Variants in FRMD4B observed in about 807,000 individuals in gnomAD.
The protein encoded by FRMD4B is FERM domain containing 4B.
Under a neutral mutation model 141.5 loss-of-function variants are expected in FRMD4B, and 74 were observed. The observed-to-expected ratio is 0.52, with a 90% confidence interval of 0.43 to 0.63. FRMD4B has a LOEUF of 0.63. Among genes scored for constraint, FRMD4B ranks in the 30% least tolerant of loss-of-function variants. The probability of loss-of-function intolerance (pLI) is 0.00; values close to 1 mark genes in which losing one functional copy is unlikely to be tolerated. For missense variants in FRMD4B, 1,366 were observed against 1,253.4 expected (o/e 1.09, Z -1.36); for synonymous variants, 506 against 467.9 (o/e 1.08, Z -1.05).
rs1445384080 is a variant in FRMD4B, at chr3:69,176,541, A to C, written c.2967T>G (p.Pro989=). The C allele has an allele frequency of 3.7e-6, 6 of 1,612,562 alleles. 1 individual carries two copies. In the South Asian group the frequency reaches 6.6e-5, roughly 18 times the overall value. ...TTCCTCACCTGCTTGGAGAGGGTAAAGGATTATAGACATTGCCATAGCAGC... is the reference window on the plus strand; with the variant it reads ...TTCCTCACCTGCTTGGAGAGGGTAACGGATTATAGACATTGCCATAGCAGC... ...YTSCYGNVYN[P]LPSPSRQYTE... is the part of the protein sequence containing the mutation. Residue 989 remains proline, a synonymous_variant, in exon 22 of 23, where the codon CCT becomes CCG. Coordinates refer to ENST00000398540, the MANE Select transcript of FRMD4B (RefSeq NM_015123.3).
intron 1 of FRMD4B, among the ~76,000 whole-genome samples, chr3:69,327,875 A>G (rs1702234018): frequency 2.0e-5 from 3 of 152,200 alleles, no homozygotes; most frequent in South Asian, 2.1e-4. Flanking sequence ...TTACAGGCTT[A>G]TATTATTTAG....
intron 4 of FRMD4B, among the ~76,000 whole-genome samples, chr3:69,289,066 A>T (rs1454874727): frequency 2.6e-5 from 4 of 152,212 alleles, no homozygotes; most frequent in African/African-American, 9.6e-5. Flanking sequence ...CTCACTTGTA[A>T]GTGAGGTTAA....
At chr3:69,406,746 T>G (rs1704656346) in intron 2 of FRMD4B, among the ~76,000 whole-genome samples, 1 of 152,038 alleles carries the variant, frequency 6.6e-6, no homozygotes, top group African/African-American at 2.4e-5. Context: ...TTTGTTTTTT[T>G]TTTAGAGACA....
intron 1 of FRMD4B, among the ~76,000 whole-genome samples, chr3:69,470,916 C>T (rs1042876460): frequency 1.3e-5 from 2 of 152,142 alleles, no homozygotes; most frequent in Non-Finnish European, 2.9e-5. Context: ...CCCACATGGC[C>T]GACAGGCTTG....
At chr3:69,201,242 T>C (rs541741316) in intron 11 of FRMD4B, among the ~76,000 whole-genome samples, 6 of 152,162 alleles carry the variant, frequency 3.9e-5, no homozygotes, top group African/African-American at 1.4e-4. Flanking sequence ...ATTGGAATGA[T>C]ACAAAATTCA....
At chr3:69,223,828 C>CA (rs926088161) in intron 8 of FRMD4B, among the ~76,000 whole-genome samples, 3 of 151,796 alleles carry the variant, frequency 2.0e-5, no homozygotes, top group Admixed American at 6.6e-5. Flanking sequence ...GACTCTGTCT[C>CA]AAAAAAACAA....
At chr3:69,523,437 C>G (rs967318487) in intron 1 of FRMD4B, among the ~76,000 whole-genome samples, 1 of 152,062 alleles carries the variant, frequency 6.6e-6, no homozygotes, top group Non-Finnish European at 1.5e-5. Context: ...GTGTGGGGTA[C>G]CATTTCCAGT....
intron 21 of FRMD4B, 42 bp from the exon 22 acceptor site, chr3:69,176,698 T>C: frequency 7.0e-7 from 1 of 1,431,476 alleles, no homozygotes; most frequent in Non-Finnish European, 9.8e-7. Context: ...ATGGAAATAT[T>C]AAAAGTGAAA....
chr3:69,536,623 G>T (rs941559338), intron 1 of FRMD4B: 199 of 1,004,316 alleles, frequency 2.0e-4, no homozygotes, highest in Non-Finnish European at 2.7e-4. Context: ...TCAGATTCAG[G>T]AGACCTGGAT....
chr3:69,446,114 G>A (rs1181441735), intron 1 of FRMD4B, among the ~76,000 whole-genome samples: 11 of 151,980 alleles, frequency 7.2e-5, no homozygotes, highest in Admixed American at 5.9e-4. Context: ...TATAACCTCC[G>A]CCTCCCAGGA....
chr3:69,378,267 G>T (rs1189050372), intron 1 of FRMD4B, among the ~76,000 whole-genome samples: 2 of 152,138 alleles, frequency 1.3e-5, no homozygotes, highest in African/African-American at 4.8e-5. Flanking sequence ...GAATTGGTTT[G>T]CCTGGCCCCT....
intron 2 of FRMD4B, among the ~76,000 whole-genome samples, chr3:69,419,302 A>G (rs1273297220): frequency 2.0e-5 from 3 of 152,194 alleles, no homozygotes; most frequent in Non-Finnish European, 2.9e-5. Context: ...GCCCAGACGT[A>G]TCTGGCTTCA....
chr3:69,191,791 C>G (rs1262606991), intron 17 of FRMD4B, among the ~76,000 whole-genome samples: 1 of 152,072 alleles, frequency 6.6e-6, no homozygotes, highest in African/African-American at 2.4e-5. Context: ...AAGCACAACA[C>G]TAATCACCCA....
At chr3:69,500,757 A>G (rs1706481369) in intron 1 of FRMD4B, among the ~76,000 whole-genome samples, 1 of 151,874 alleles carries the variant, frequency 6.6e-6, no homozygotes, top group Non-Finnish European at 1.5e-5. Context: ...GTTGCCCAGA[A>G]GTGGGAGAGA....
intron 2 of FRMD4B, among the ~76,000 whole-genome samples, chr3:69,312,141 G>C (rs768973863): frequency 2.6e-5 from 4 of 152,144 alleles, no homozygotes; most frequent in African/African-American, 9.7e-5. Context: ...GGAAGCTCTG[G>C]ATCTGCTGAG....
intron 5 of FRMD4B, among the ~76,000 whole-genome samples, chr3:69,258,844 A>AT (rs1038497135): frequency 6.6e-6 from 1 of 151,962 alleles, no homozygotes; most frequent in Non-Finnish European, 1.5e-5. Context: ...TGAGAAAGTT[A>AT]TTTTTTCTGA....
intron 7 of FRMD4B, 56 bp downstream of exon 7, chr3:69,249,170 T>C (rs538015365): frequency 1.8e-6 from 2 of 1,103,818 alleles, no homozygotes; most frequent in South Asian, 2.7e-5. Context: ...AATAACCACA[T>C]AAAATGATTC....
chr3:69,322,064 C>T (rs150827842), intron 1 of FRMD4B, among the ~76,000 whole-genome samples: 2,157 of 152,096 alleles, frequency 0.014, 20 homozygotes, highest in Non-Finnish European at 0.022. Context: ...CCAGGCAACT[C>T]CCAAGCCCTG....
intron 1 of FRMD4B, among the ~76,000 whole-genome samples, chr3:69,467,037 C>T (rs544255138): frequency 1.3e-5 from 2 of 152,104 alleles, no homozygotes; most frequent in South Asian, 4.2e-4. Flanking sequence ...TAATTAGAAT[C>T]CCCGCCTTCT....
Sources: allele counts gnomAD v4.1 joint callset (sites outside exome capture counted in the v4.1 genomes callset), GRCh38; gene constraint gnomAD v4.1.1; transcripts MANE v1.5; gene names NCBI Gene and HGNC (gene_info 2026-07-23, HGNC 2026-07-21).